Variants in C9orf72 observed in about 807,000 individuals in gnomAD.
C9orf72 encodes the protein C9orf72-SMCR8 complex subunit, also known as guanine nucleotide exchange factor C9orf72.
In C9orf72, 44 loss-of-function variants were observed where a neutral mutation model predicts 51.6. The ratio of observed to expected loss-of-function variants is 0.85; its 90% CI spans 0.67 to 1.10. C9orf72 has a LOEUF of 1.10. C9orf72 is among the 50% of genes least tolerant of loss of function. The pLI, the probability that C9orf72 is intolerant of heterozygous loss-of-function variation, is 0.00. For missense variants in C9orf72, 607 were observed against 570.6 expected, an observed-to-expected ratio of 1.06 and a Z score of -0.65; for synonymous variants, 213 against 194.2, an observed-to-expected ratio of 1.10 and a Z score of -0.81.
intron 9 of C9orf72, among the ~76,000 whole-genome samples, chr9:27,550,277 G>A (rs568697136): frequency 6.6e-6 from 1 of 151,294 alleles, no homozygotes; most frequent in South Asian, 2.1e-4. Flanking sequence ...ATCTGTAAAA[G>A]CTAAGTCAGA....
intron 5 of C9orf72, 182 bp downstream of exon 5, chr9:27,561,403 A>T (rs1819342962): frequency 7.3e-7 from 1 of 1,370,710 alleles, no homozygotes; most frequent in Non-Finnish European, 9.4e-7. Flanking sequence ...GAATAACACC[A>T]AATATATATA....
chr9:27,561,334 A>G (rs909500934), intron 5 of C9orf72: 1 of 1,249,972 alleles, frequency 8.0e-7, no homozygotes, highest in Non-Finnish European at 1.0e-6. Flanking sequence ...ACCAGAATCA[A>G]GCAAGGGGCC....
chr9:27,570,574 A>C (rs753406937), intron 1 of C9orf72, among the ~76,000 whole-genome samples: 1 of 152,136 alleles, frequency 6.6e-6, no homozygotes, highest in Non-Finnish European at 1.5e-5. Flanking sequence ...AGAATAAGAA[A>C]AAAAAAATGG....
rs145645318 is a variant in C9orf72, at chr9:27,566,801, C to T, written c.320G>A (p.Arg107His). 28 of 1,613,790 alleles carry T rather than the reference C, an allele frequency of 1.7e-5. No homozygotes were observed. The highest frequency in any genetic ancestry group is 1.1e-4 in the East Asian group (5 of 44,870). The change falls in exon 2 of 11, where the codon CGC (arginine) becomes CAC (histidine). Residue 107 changes from arginine (R) to histidine (H), a missense_variant. Coordinates refer to ENST00000380003, the MANE Select transcript of C9orf72 (RefSeq NM_018325.5). The stretch of plus-strand genomic sequence containing the variant: ...TATAATTGATAGTCCATATGTGCTG[C>T]GATCCCCATTCCAGTTTCCATCAAA... ...LIFDGNWNGD[R>H]STYGLSIILP... is the part of the protein sequence containing the mutation.
chr9:27,565,948 G>A (rs968495625), intron 2 of C9orf72, among the ~76,000 whole-genome samples: 18 of 152,110 alleles, frequency 1.2e-4, no homozygotes, highest in Admixed American at 1.2e-3. Context: ...CATAATGTGA[G>A]AAAAAAGGAA....
At chr9:27,559,871 C>T (rs945487436) in intron 6 of C9orf72, 3 of 155,206 alleles carry the variant, frequency 1.9e-5, no homozygotes, top group African/African-American at 7.2e-5. Flanking sequence ...AAACAAATAA[C>T]ATTTCTTTGG....
intron 8 of C9orf72, among the ~76,000 whole-genome samples, chr9:27,551,741 G>T (rs1167640979): frequency 6.6e-6 from 1 of 151,800 alleles, no homozygotes; most frequent in Non-Finnish European, 1.5e-5. Context: ...ATATTTAATC[G>T]AGTGGACTTA....
At chr9:27,562,141 T>C (rs180979413) in intron 4 of C9orf72, among the ~76,000 whole-genome samples, 16 of 152,310 alleles carry the variant, frequency 1.1e-4, no homozygotes, top group African/African-American at 3.8e-4. Context: ...TTAGGAATTA[T>C]AAAAGTAATG....
intron 1 of C9orf72, among the ~76,000 whole-genome samples, chr9:27,573,033 A>C (rs563244172): frequency 6.6e-6 from 1 of 152,258 alleles, no homozygotes; most frequent in African/African-American, 2.4e-5. Flanking sequence ...TGGTCCGCAG[A>C]AGCCGCGCGC....
In C9orf72 at chr9:27,558,131, TA is replaced by T. The variant is rs1216868804; in HGVS notation, c.855+359del. On this transcript the variant is annotated intron_variant, in intron 7 of 10. Transcript: ENST00000380003. ...AATTGCTTAAATCCTATAAGCTTCT[TA>T]AAGATGTTTAAAATTTTTTTTCAAT... 4.7e-5 allele frequency among the ~76,000 whole-genome samples: 7 copies of T among 150,516 alleles called. No individual in the cohort carries two copies. The East Asian group carries it at 1.2e-3, about 25-fold the overall frequency.
chr9:27,570,631 C>A (rs1294899811), intron 1 of C9orf72, among the ~76,000 whole-genome samples: 2 of 151,852 alleles, frequency 1.3e-5, no homozygotes, highest in African/African-American at 4.8e-5. Flanking sequence ...TTTGGTAGGC[C>A]GAGGCAGGTG....
chr9:27,562,257 C>T (rs2131540778), intron 4 of C9orf72, 124 bp downstream of exon 4: 2 of 390,324 alleles, frequency 5.1e-6, no homozygotes, highest in Middle Eastern at 6.7e-4. Context: ...GTGGCTAATA[C>T]TGTATGTGAA....
At chr9:27,550,557 G>T in intron 9 of C9orf72, 93 bp downstream of exon 9, 2 of 744,154 alleles carry the variant, frequency 2.7e-6, no homozygotes, top group South Asian at 1.9e-5. Flanking sequence ...TGATCCAGGG[G>T]AATATAAATA....
rs1301845315 is a variant in C9orf72, at chr9:27,547,238, TC to T, written c.*997del. 1 of 152,636 alleles carries T rather than the reference TC, an allele frequency of 6.6e-6. No individual in the cohort carries two copies. The highest frequency in any genetic ancestry group is 1.5e-5 in the Non-Finnish European group (1 of 68,020). 9.5% of individuals were successfully genotyped at this position (152,636 alleles called of 1,614,324 possible). On this transcript the variant is annotated 3_prime_UTR_variant, in exon 11 of 11. Coordinates refer to ENST00000380003, the MANE Select transcript of C9orf72 (RefSeq NM_018325.5). ...AGGCAGAAATGCAAGAAGGAAGTAC[TC>T]AAGGAACTATTTTCTGTTTCTGAAA...
At chr9:27,564,923 C>T (rs1819430929) in intron 3 of C9orf72, among the ~76,000 whole-genome samples, 1 of 152,062 alleles carries the variant, frequency 6.6e-6, no homozygotes, top group Non-Finnish European at 1.5e-5. Context: ...GAAGCCACAC[C>T]CTTGTAACCA....
In C9orf72 at chr9:27,573,473, A is replaced by ACCGCAACCGCAGCCC. The variant is rs1819638060; in HGVS notation, c.-88_-87insGGGCTGCGGTTGCGG. 1 of 132,954 alleles carries ACCGCAACCGCAGCCC rather than the reference A, an allele frequency of 7.5e-6. No homozygotes were observed. The highest frequency in any genetic ancestry group is 2.8e-5 in the African/African-American group (1 of 35,826). The allele number at this position is 132,954 out of a possible 1,614,324, so 8.2% of individuals were successfully genotyped here. A position where few individuals can be genotyped will look rare whatever the true frequency, so the allele number is the denominator to read the frequency against. On this transcript the variant is annotated 5_prime_UTR_variant, in exon 1 of 11. Transcript: ENST00000380003. ...CGCCTCCGCCGCCGCGGGCGCAGGC[A>ACCGCAACCGCAGCCC]CCGCAACCGCAGCCCCGCCCCGGGC...
At chr9:27,571,886 A>C (rs1462109443) in intron 1 of C9orf72, among the ~76,000 whole-genome samples, 1 of 152,206 alleles carries the variant, frequency 6.6e-6, no homozygotes, top group Admixed American at 6.5e-5. Context: ...ACAGTACCAG[A>C]AAGTTCACAA....
At chr9:27,572,876 G>A (rs925716561) in intron 1 of C9orf72, among the ~76,000 whole-genome samples, 1 of 152,220 alleles carries the variant, frequency 6.6e-6, no homozygotes, top group Non-Finnish European at 1.5e-5. Context: ...GGAGCACACC[G>A]ACTTGCATTG....
chr9:27,571,552 C>G (rs997369658), intron 1 of C9orf72, among the ~76,000 whole-genome samples: 2 of 152,078 alleles, frequency 1.3e-5, no homozygotes, highest in Non-Finnish European at 1.5e-5. Context: ...AACTCTTGGG[C>G]TCAAATGACC....
Sources: allele counts gnomAD v4.1 joint callset (sites outside exome capture counted in the v4.1 genomes callset), GRCh38; gene constraint gnomAD v4.1.1; transcripts MANE v1.5; gene names NCBI Gene and HGNC (gene_info 2026-07-23, HGNC 2026-07-21).